KEAP1: variants seen among roughly 807,000 people sequenced by gnomAD.
KEAP1 encodes the protein kelch like ECH associated protein 1.
A neutral mutation model predicts 59.7 loss-of-function variants in KEAP1; 26 were observed. The observed-to-expected ratio is 0.44, with a 90% confidence interval of 0.32 to 0.60. The LOEUF is 0.60. Ranked by LOEUF, KEAP1 falls within the 20% of genes least tolerant of loss-of-function variation. The pLI, the probability that KEAP1 is intolerant of heterozygous loss-of-function variation, is 0.06. For missense variants in KEAP1, 539 were observed against 871.4 expected, an observed-to-expected ratio of 0.62 and a Z score of 4.80; for synonymous variants, 350 against 358.3, an observed-to-expected ratio of 0.98 and a Z score of 0.26.
chr19:10,487,036 TAAAAAAA>T (rs35072591), intron 5 of KEAP1, among the ~76,000 whole-genome samples: 1 of 92,016 alleles, frequency 1.1e-5, no homozygotes, highest in Non-Finnish European at 2.1e-5. Flanking sequence ...AGTCTCTTAC[TAAAAAAA>T]AAAAAAAAAA....
At chr19:10,489,911 A>T (rs2144591904) in intron 3 of KEAP1, 58 bp from the exon 4 acceptor site, 2 of 1,489,698 alleles carry the variant, frequency 1.3e-6, no homozygotes, top group South Asian at 2.4e-5. Context: ...TTCGTGGAAT[A>T]CTTAAGGGCC....
chr19:10,501,540 G>A (rs906886888), intron 1 of KEAP1, among the ~76,000 whole-genome samples: 2 of 150,074 alleles, frequency 1.3e-5, no homozygotes, highest in African/African-American at 4.9e-5. Flanking sequence ...TGAGGCGGGA[G>A]AAAGGCGTGA....
At chr19:10,488,176 A>C (rs1914537033) in intron 5 of KEAP1, among the ~76,000 whole-genome samples, 1 of 152,016 alleles carries the variant, frequency 6.6e-6, no homozygotes, top group Non-Finnish European at 1.5e-5. Context: ...ATTCCCAGCT[A>C]CTCAGGAGGC....
chr19:10,499,250 G>T lies in KEAP1; in HGVS notation c.639+145C>A. The T allele has an allele frequency of 1.3e-6, 1 of 749,184 alleles. No individual in the cohort carries two copies. The allele number at this position is 749,184 out of a possible 1,614,324, so 46.4% of individuals were successfully genotyped here. On this transcript the variant is annotated intron_variant, in intron 2 of 5. Coordinates refer to ENST00000171111, the MANE Select transcript of KEAP1 (RefSeq NM_203500.2). This position sits in a 1 kb window ranked among gnomAD's most constrained non-coding sequence, Gnocchi z 6.7. ...TCCCCCCGCCTCAGCCCCTCAAACTGTGGAGACTACACCACCATACCCAGC... is the reference window on the plus strand; with the variant it reads ...TCCCCCCGCCTCAGCCCCTCAAACTTTGGAGACTACACCACCATACCCAGC...
At chr19:10,498,669 C>T (rs948994671) in intron 2 of KEAP1, among the ~76,000 whole-genome samples, 13 of 152,058 alleles carry the variant, frequency 8.5e-5, no homozygotes, top group African/African-American at 2.9e-4. Flanking sequence ...GCTGACTGCC[C>T]GAAAGGCTGG....
rs1639714075 is a variant in KEAP1 at position 10,499,829 on chromosome 19, C to T, written c.205G>A (p.Glu69Lys). ...HTKQAFGIMN[E>K]LRLSQQLCDV... ...CACAGCTGCTGGCTGAGCCGCAGCT[C>T]GTTCATGATGCCAAAGGCCTGCTTG... The change falls in exon 2 of 6, where the codon GAG (glutamate) becomes AAG (lysine). Residue 69 changes from glutamate (E) to lysine (K), a missense_variant. By Grantham distance (56) the Glu-to-Lys change is moderately conservative. This residue lies in a region of KEAP1 where 166 missense variants were observed against 295.8 expected (regional missense o/e 0.56). Transcript: ENST00000171111. This position sits in a 1 kb window ranked among gnomAD's most constrained non-coding sequence, Gnocchi z 6.7. The T allele has an allele frequency of 1.2e-6, 2 of 1,613,936 alleles. No homozygotes were observed. The highest frequency in any genetic ancestry group is 2.2e-5 in the East Asian group (1 of 44,878).
At chr19:10,486,882 AAGAG>A (rs112449820) in intron 5 of KEAP1, 64 bp from the exon 6 acceptor site, 2 of 1,533,362 alleles carry the variant, frequency 1.3e-6, no homozygotes, top group African/African-American at 1.4e-5. Flanking sequence ...AGGGGACAGA[AAGAG>A]AGAGATGCAG....
rs2144589427 is a variant in KEAP1 at position 10,489,665 on chromosome 19, G to A, written c.1514C>T (p.Thr505Ile). The A allele has an allele frequency of 1.2e-6, 2 of 1,614,040 alleles. No individual in the cohort carries two copies. Among genetic ancestry groups the A allele is most frequent in the Non-Finnish European group, 1.7e-6 (2 of 1,180,008 alleles). Residue 505 changes from threonine (T) to isoleucine (I), a missense_variant, in exon 4 of 6, where the codon ACC becomes ATC. Physicochemically the swap from Thr to Ile is moderately conservative, Grantham distance 89 (BLOSUM62 -1). Transcript: ENST00000171111. Reference sequence around the variant, plus strand: ...CCACCCACCTGCCCCGCTTCGGATGGTGTTCATTGCTGTGATCATTCGCCA... The same window carrying A: ...CCACCCACCTGCCCCGCTTCGGATGATGTTCATTGCTGTGATCATTCGCCA... The part of the protein sequence containing the change: ...NEWRMITAMN[T>I]IRSGAGVCVL...
rs1914583925 is a variant in KEAP1 at position 10,489,239 on chromosome 19, C to T, written c.1661G>A (p.Arg554Gln). Residue 554 changes from arginine to glutamine, a missense_variant, in exon 5 of 6, where the codon CGA becomes CAA. By Grantham distance (43) the Arg-to-Gln change is conservative. Coordinates refer to ENST00000171111, the MANE Select transcript of KEAP1 (RefSeq NM_203500.2). ...GTGGACAGTGATCCCCAGGGCACTTCGCCGGTGCTTCATGGGGGCTACGAA... is the reference window on the plus strand; with the variant it reads ...GTGGACAGTGATCCCCAGGGCACTTTGCCGGTGCTTCATGGGGGCTACGAA... ...WTFVAPMKHR[R>Q]SALGITVHQG... The T allele has an allele frequency of 2.5e-6, 4 of 1,612,520 alleles. No individual in the cohort carries two copies. Among genetic ancestry groups the T allele is most frequent in the African/African-American group, 1.3e-5 (1 of 74,868 alleles).
Position 10,491,987 on chromosome 19 carries a change from G to A in KEAP1, c.915C>T (p.Phe305=), listed in dbSNP as rs778502600. ...TGGGCTTGTGCAGGGTGAGCTCCTC[G>A]AAGATCTTGACCAGGTAGTCCTTGC... ...SRCKDYLVKI[F]EELTLHKPTQ... is the part of the protein sequence containing the mutation. Residue 305 remains phenylalanine (F), a synonymous_variant, in exon 3 of 6, where the codon TTC becomes TTT. Coordinates refer to ENST00000171111, the MANE Select transcript of KEAP1 (RefSeq NM_203500.2). The surrounding 1 kb of genome is among the most constrained non-coding windows in gnomAD (Gnocchi z 5.2). 2 of 1,614,064 alleles carry A rather than the reference G, an allele frequency of 1.2e-6. No homozygotes were observed. Among genetic ancestry groups the A allele is most frequent in the South Asian group, 1.1e-5 (1 of 91,086 alleles).
In KEAP1 at chr19:10,500,075, A is replaced by C; in HGVS notation, c.-42T>G. ...AGCAACACCACCACCTCTGGCACTC[A>C]GGGACCTGGAGGGGAGAGAGCACAG... On this transcript the variant is annotated 5_prime_UTR_variant, in exon 2 of 6. Transcript: ENST00000171111. The C allele has an allele frequency of 6.6e-7, 1 of 1,514,136 alleles. No individual in the cohort carries two copies. The highest frequency in any genetic ancestry group is 2.2e-5 in the Admixed American group (1 of 45,064). The allele number at this position is 1,514,136 out of a possible 1,614,324, so 93.8% of individuals were successfully genotyped here.
chr19:10,487,900 G>A (rs970134503), intron 5 of KEAP1, among the ~76,000 whole-genome samples: 4 of 151,230 alleles, frequency 2.6e-5, no homozygotes, highest in Non-Finnish European at 4.4e-5. Context: ...AGGCCGAGGC[G>A]GGCAGATCAC....
Position 10,487,647 on chromosome 19 carries a change from T to C in KEAP1, c.1709-829A>G, listed in dbSNP as rs142749328. ...CTCCAGCCTGGTGACAGAGCAAGAC[T>C]CCACCTCAAAATAAATAAATAAATA... On this transcript the variant is annotated intron_variant, in intron 5 of 5. Coordinates refer to ENST00000171111, the MANE Select transcript of KEAP1 (RefSeq NM_203500.2). 1.4e-3 allele frequency among the ~76,000 whole-genome samples: 212 copies of C among 149,280 alleles called. 1 individual carries two copies. In the East Asian group the frequency reaches 0.019, roughly 13 times the overall value.
At chr19:10,487,292 A>G (rs1201503082) in intron 5 of KEAP1, among the ~76,000 whole-genome samples, 1 of 152,084 alleles carries the variant, frequency 6.6e-6, no homozygotes, top group Non-Finnish European at 1.5e-5. Context: ...GGTTGCAGTG[A>G]GCAGAGGCTG....
Position 10,499,972 on chromosome 19 carries a change from G to C in KEAP1, c.62C>G (p.Ser21Ter). The C allele has an allele frequency of 6.3e-7, 1 of 1,592,600 alleles. No individual in the cohort carries two copies. The stretch of plus-strand genomic sequence containing the variant: ...GTCCCCTGCCCCCTCAGGGCACTGT[G>C]ACTGCAGGGGCAGGAATCGGCAGCA... Reference protein sequence around the residue: ...GACCRFLPLQSQCPEGAGDAV... With the variant: ...GACCRFLPLQ The change falls in exon 2 of 6, where the codon TCA becomes TGA. Residue 21 changes from serine (S) to a stop codon, truncating the protein, a stop_gained. Transcript: ENST00000171111. LOFTEE classifies it high-confidence loss of function. This position sits in a 1 kb window ranked among gnomAD's most constrained non-coding sequence, Gnocchi z 6.7.
rs1915087593 is a variant in KEAP1, at chr19:10,502,739, C to T, written c.-48+502G>A. 1 of 152,078 alleles carries T rather than the reference C, an allele frequency of 6.6e-6. No individual in the cohort carries two copies. Among genetic ancestry groups the T allele is most frequent in the Non-Finnish European group, 1.5e-5 (1 of 68,016 alleles). The allele number at this position is 152,078 out of a possible 1,614,324, so 9.4% of individuals were successfully genotyped here. On this transcript the variant is annotated intron_variant, in intron 1 of 5. Coordinates refer to ENST00000171111, the MANE Select transcript of KEAP1 (RefSeq NM_203500.2). This position sits in a 1 kb window ranked among gnomAD's most constrained non-coding sequence, Gnocchi z 4.0. ...CCGGCTCCGCCTCCACCGCCCGAGC[C>T]CCGGCGCCTCCATCGCTGCGCGTGG...
In KEAP1 at chr19:10,502,720, CCGCCTCCACCGCCCGAGCCCCGG is replaced by C. The variant is rs1915086918; in HGVS notation, c.-48+498_-48+520del. ...ACCCCGCCATGGCCGCGCTCCGGCT[CCGCCTCCACCGCCCGAGCCCCGG>C]CGCCTCCATCGCTGCGCGTGGGGGA... On this transcript the variant is annotated intron_variant, in intron 1 of 5. Transcript: ENST00000171111. The surrounding 1 kb of genome is among the most constrained non-coding windows in gnomAD (Gnocchi z 4.0). The C allele has an allele frequency of 6.6e-6, 1 of 152,110 alleles. No individual in the cohort carries two copies. The allele number at this position is 152,110 out of a possible 1,614,324, so 9.4% of individuals were successfully genotyped here. A position where few individuals can be genotyped will look rare whatever the true frequency, so the allele number is the denominator to read the frequency against.
At chr19:10,493,040 A>C (rs561608295) in intron 2 of KEAP1, among the ~76,000 whole-genome samples, 1 of 150,986 alleles carries the variant, frequency 6.6e-6, no homozygotes, top group South Asian at 2.1e-4. Context: ...CTGTTGCCCA[A>C]GCTGGAGTGC....
At chr19:10,488,841 G>T (rs1289144507) in intron 5 of KEAP1, among the ~76,000 whole-genome samples, 1 of 151,356 alleles carries the variant, frequency 6.6e-6, no homozygotes, top group East Asian at 1.9e-4. Flanking sequence ...TGAGACAGGA[G>T]AATCGCTTGA....
Sources: allele counts gnomAD v4.1 joint callset (sites outside exome capture counted in the v4.1 genomes callset), GRCh38; gene constraint gnomAD v4.1.1; regional missense constraint gnomAD v4.1.1; non-coding constraint Gnocchi (gnomAD v3.1); transcripts MANE v1.5; gene names NCBI Gene and HGNC (gene_info 2026-07-23, HGNC 2026-07-21).